EIF2D: variants seen among roughly 807,000 people sequenced by gnomAD.
EIF2D encodes eukaryotic translation initiation factor 2D, also known as hepatocellular carcinoma-associated antigen 56.
A neutral mutation model predicts 77.4 loss-of-function variants in EIF2D; 56 were observed. The ratio of observed to expected loss-of-function variants is 0.72; its 90% CI spans 0.58 to 0.90. EIF2D has a LOEUF of 0.90. Ranked by LOEUF, EIF2D falls within the 40% of genes least tolerant of loss-of-function variation. The pLI, the probability that EIF2D is intolerant of heterozygous loss-of-function variation, is 0.00. For synonymous variants in EIF2D, 230 were observed against 271.0 expected, an observed-to-expected ratio of 0.85 and a Z score of 1.49; for missense variants, 574 against 706.5, an observed-to-expected ratio of 0.81 and a Z score of 2.13.
intron 2 of EIF2D, among the ~76,000 whole-genome samples, chr1:206,610,339 T>G (rs1670409576): frequency 6.6e-6 from 1 of 152,162 alleles, no homozygotes; most frequent in Non-Finnish European, 1.5e-5. Context: ...AGCAACATAG[T>G]GAGACCTTGT....
rs1433622439 is a variant in EIF2D at position 206,593,502 on chromosome 1, A to AGTGTGTGTGTGC, written c.1684+116_1684+117insGCACACACACAC. On this transcript the variant is annotated intron_variant, in intron 14 of 14. Transcript: ENST00000271764. ...GAGAGAGAGAGCGAGAGAGAGAGAG[A>AGTGTGTGTGTGC]GAGAGAGTGTGTGTGTGTGTGTGTG... is the stretch of plus-strand genomic sequence containing the variant. 8.0e-4 allele frequency: 344 copies of AGTGTGTGTGTGC among 427,786 alleles called. 4 individuals are homozygous for AGTGTGTGTGTGC. The highest frequency in any genetic ancestry group is 1.0e-3 in the Non-Finnish European group (287 of 281,284). 26.5% of individuals were successfully genotyped at this position (427,786 alleles called of 1,614,324 possible). A position where few individuals can be genotyped will look rare whatever the true frequency, so the allele number is the denominator to read the frequency against.
chr1:206,604,944 T>TGAG (rs1197397932), intron 5 of EIF2D: 1 of 152,402 alleles, frequency 6.6e-6, no homozygotes, highest in Non-Finnish European at 1.5e-5. Context: ...GTTACTTTCA[T>TGAG]GAGGAGGAGG....
intron 2 of EIF2D, chr1:206,586,285 G>A (rs1669108510): frequency 6.5e-6 from 1 of 153,696 alleles, no homozygotes; most frequent in Non-Finnish European, 1.4e-5. Context: ...TGCCATCAGA[G>A]GCCAAGTCCT....
rs1669799827 is a variant in EIF2D at position 206,599,186 on chromosome 1, T to C, written c.1203-94A>G. The C allele has an allele frequency of 1.7e-6, 2 of 1,202,974 alleles. No homozygotes were observed. Among genetic ancestry groups the C allele is most frequent in the South Asian group, 1.3e-5 (1 of 74,116 alleles). 74.5% of individuals were successfully genotyped at this position (1,202,974 alleles called of 1,614,324 possible). On this transcript the variant is annotated intron_variant, in intron 10 of 14. Coordinates refer to ENST00000271764, the MANE Select transcript of EIF2D (RefSeq NM_006893.3). This position sits in a 1 kb window ranked among gnomAD's most constrained non-coding sequence, Gnocchi z 4.1. ...ACTCACTCCCTGCTGAGCAGGGAAC[T>C]TTCCTTAGCTTTCGGCCTCTAGTTT... is the stretch of plus-strand genomic sequence containing the variant.
chr1:206,602,514 A>C, intron 6 of EIF2D, 61 bp from the exon 7 acceptor site: 1 of 1,448,532 alleles, frequency 6.9e-7, no homozygotes, highest in Non-Finnish European at 9.7e-7. Flanking sequence ...TGGTACAAGA[A>C]AACGACCCCC....
At position 206,579,729 on chromosome 1, in the gene EIF2D, C is replaced by G. The variant is rs1026950369; in HGVS notation, c.*254+963G>C. 6.6e-6 allele frequency among the ~76,000 whole-genome samples: 1 copy of G among 152,200 alleles called. No individual in the cohort carries two copies. The highest frequency in any genetic ancestry group is 1.5e-5 in the Non-Finnish European group (1 of 68,040). ...AATCAGAATCTCCAGGGATGAAGCC[C>G]AGGCAGCTAAGTTTCTAAAGATCCC... is the stretch of plus-strand genomic sequence containing the variant. On this transcript the variant is annotated intron_variant and NMD_transcript_variant, in intron 4 of 5. Transcript: ENST00000472709. This position sits in a 1 kb window ranked among gnomAD's most constrained non-coding sequence, Gnocchi z 4.2.
At chr1:206,583,865 G>A (rs571912231) in intron 2 of EIF2D, among the ~76,000 whole-genome samples, 3 of 152,320 alleles carry the variant, frequency 2.0e-5, no homozygotes, top group South Asian at 2.1e-4. Flanking sequence ...CCCTGCTGGT[G>A]GCTGGCATCA....
At chr1:206,601,003 C>G (rs782348664) in intron 7 of EIF2D, 1 of 152,210 alleles carries the variant, frequency 6.6e-6, no homozygotes, top group African/African-American at 2.4e-5. Flanking sequence ...CTGATAAAAG[C>G]TTACATCTTC....
chr1:206,577,306 C>G (rs2103560592), intron 4 of EIF2D, among the ~76,000 whole-genome samples: 1 of 152,108 alleles, frequency 6.6e-6, no homozygotes, highest in East Asian at 1.9e-4. Context: ...TGTGGCCAAT[C>G]AGAAGAAGGA....
chr1:206,591,708 C>T lies in EIF2D; in HGVS notation c.*67G>A. 2.2e-6 allele frequency: 3 copies of T among 1,378,162 alleles called. No homozygotes were observed. Among genetic ancestry groups the T allele is most frequent in the Non-Finnish European group, 3.1e-6 (3 of 974,668 alleles). 85.4% of individuals were successfully genotyped at this position (1,378,162 alleles called of 1,614,324 possible). ...TTTGTATTTGCAAAAGCTGAAAATG[C>T]TCATAAAAATTACCAGCCCAGAGCT... On this transcript the variant is annotated 3_prime_UTR_variant, in exon 15 of 15. Coordinates refer to ENST00000271764, the MANE Select transcript of EIF2D (RefSeq NM_006893.3).
chr1:206,593,519 G>GTA (rs1669485491), intron 14 of EIF2D, 100 bp downstream of exon 14: 1 of 796,640 alleles, frequency 1.3e-6, no homozygotes, highest in African/African-American at 1.7e-5. Context: ...GTGTGTGTGT[G>GTA]TGTGTGTGTG....
chr1:206,608,531 G>A (rs1456114014), intron 3 of EIF2D, among the ~76,000 whole-genome samples: 1 of 152,182 alleles, frequency 6.6e-6, no homozygotes, highest in Non-Finnish European at 1.5e-5. Flanking sequence ...AATGAAAAAT[G>A]GCAACTTCAG....
At chr1:206,585,488 G>A (rs1281794772) in intron 2 of EIF2D, 8 of 528,214 alleles carry the variant, frequency 1.5e-5, no homozygotes, top group African/African-American at 1.3e-4. Context: ...ACACCCTGGG[G>A]TAGCACATTA....
chr1:206,608,272 T>C lies in EIF2D; in HGVS notation c.386A>G (p.Lys129Arg). ...CAAAGAAATGGCACAGAGGTCGCCC[T>C]TCTGTACCTGAGGCAGACCAGCAGG... ...MPPAGLPQVQ[K>R]GDLCAISLVG... Residue 129 changes from lysine to arginine, a missense_variant, in exon 4 of 15, where the codon AAG becomes AGG. Coordinates refer to ENST00000271764, the MANE Select transcript of EIF2D (RefSeq NM_006893.3). The C allele has an allele frequency of 1.2e-6, 2 of 1,613,774 alleles. No individual in the cohort carries two copies. The highest frequency in any genetic ancestry group is 1.7e-6 in the Non-Finnish European group (2 of 1,179,808).
At chr1:206,598,552 A>C (rs1553410627) in intron 11 of EIF2D, among the ~76,000 whole-genome samples, 1 of 152,214 alleles carries the variant, frequency 6.6e-6, no homozygotes, top group African/African-American at 2.4e-5. Context: ...TGTTCCCGAC[A>C]CATAGAAATG....
intron 11 of EIF2D, among the ~76,000 whole-genome samples, chr1:206,598,044 A>T (rs1351411587): frequency 6.6e-6 from 1 of 151,966 alleles, no homozygotes; most frequent in Non-Finnish European, 1.5e-5. Context: ...AGTGAAAAAA[A>T]AATTTTTTTT....
chr1:206,591,815 T>G lies in EIF2D; in HGVS notation c.1715A>C (p.Gln572Pro). 1 of 1,614,194 alleles carries G rather than the reference T, an allele frequency of 6.2e-7. No homozygotes were observed. The highest frequency in any genetic ancestry group is 8.5e-7 in the Non-Finnish European group (1 of 1,180,028). The change falls in exon 15 of 15, where the codon CAA becomes CCA. Residue 572 changes from glutamine (Q) to proline (P), a missense_variant. By Grantham distance (76) the Gln-to-Pro change is moderately conservative. Coordinates refer to ENST00000271764, the MANE Select transcript of EIF2D (RefSeq NM_006893.3). ...EEYQLPRKHI[Q>P]GLEKALKPGK... Reference sequence around the variant, plus strand: ...AGGTTTGAGGGCCTTTTCTAGACCTTGGATGTGTTTTCGAGGGAGCTGATA... The same window carrying G: ...AGGTTTGAGGGCCTTTTCTAGACCTGGGATGTGTTTTCGAGGGAGCTGATA...
rs1318430978 is a variant in EIF2D at position 206,579,935 on chromosome 1, C to T, written c.*254+757G>A. On this transcript the variant is annotated intron_variant and NMD_transcript_variant, in intron 4 of 5. Coordinates refer to the EIF2D transcript ENST00000472709. The surrounding 1 kb of genome is among the most constrained non-coding windows in gnomAD (Gnocchi z 4.2). ...GCCAGATATTTTTGTGGGCAGCAGCCATCCCAGACCTGGGTGCTGGCATTC... is the reference window on the plus strand; with the variant it reads ...GCCAGATATTTTTGTGGGCAGCAGCTATCCCAGACCTGGGTGCTGGCATTC... 1.3e-5 allele frequency among the ~76,000 whole-genome samples: 2 copies of T among 152,216 alleles called. No individual in the cohort carries two copies. The highest frequency in any genetic ancestry group is 2.4e-5 in the African/African-American group (1 of 41,442).
At chr1:206,603,989 G>A (rs1385756902) in intron 5 of EIF2D, among the ~76,000 whole-genome samples, 1 of 152,198 alleles carries the variant, frequency 6.6e-6, no homozygotes, top group Non-Finnish European at 1.5e-5. Flanking sequence ...AGCAGCTGCT[G>A]CTAAAACAAC....
Sources: allele counts gnomAD v4.1 joint callset (sites outside exome capture counted in the v4.1 genomes callset), GRCh38; gene constraint gnomAD v4.1.1; non-coding constraint Gnocchi (gnomAD v3.1); transcripts MANE v1.5; gene names NCBI Gene and HGNC (gene_info 2026-07-23, HGNC 2026-07-21).